GRM7: variants seen among roughly 807,000 people sequenced by gnomAD.
The protein encoded by GRM7 is metabotropic glutamate receptor 7.
In GRM7, 35 loss-of-function variants were observed where a neutral mutation model predicts 84.5. That is an observed-to-expected ratio of 0.41 (90% CI 0.32 to 0.55). GRM7 has a LOEUF of 0.55. Ranked by LOEUF, GRM7 falls within the 20% of genes least tolerant of loss-of-function variation. The pLI is 0.19. For missense variants in GRM7, 1,003 were observed against 1,194.6 expected, an observed-to-expected ratio of 0.84 and a Z score of 2.36; for synonymous variants, 487 against 455.1, an observed-to-expected ratio of 1.07 and a Z score of -0.89.
intron 1 of GRM7, among the ~76,000 whole-genome samples, chr3:7,064,963 G>C (rs565198810): frequency 2.0e-5 from 3 of 151,892 alleles, no homozygotes; most frequent in African/African-American, 7.2e-5. Flanking sequence ...TTTTTCATAT[G>C]TTCATTGGCC....
At chr3:7,546,786 T>C (rs1359447740) in intron 7 of GRM7, among the ~76,000 whole-genome samples, 1 of 152,216 alleles carries the variant, frequency 6.6e-6, no homozygotes, top group Non-Finnish European at 1.5e-5. Context: ...AGAGCATTTG[T>C]TTTGGTTCCT....
intron 4 of GRM7, among the ~76,000 whole-genome samples, chr3:7,365,694 T>C (rs891603077): frequency 6.8e-6 from 1 of 146,992 alleles, no homozygotes; most frequent in Non-Finnish European, 1.5e-5. Flanking sequence ...CACATATATA[T>C]ACACATATAT....
intron 4 of GRM7, among the ~76,000 whole-genome samples, chr3:7,334,868 CAT>C: frequency 6.6e-6 from 1 of 152,114 alleles, no homozygotes; most frequent in Middle Eastern, 3.4e-3. Flanking sequence ...GAAAATATGA[CAT>C]AAATATATAT....
At chr3:7,473,969 G>A (rs1698816316) in intron 7 of GRM7, among the ~76,000 whole-genome samples, 1 of 152,174 alleles carries the variant, frequency 6.6e-6, no homozygotes, top group Non-Finnish European at 1.5e-5. Flanking sequence ...CTGGGTGATT[G>A]CAGGGGATTT....
At chr3:7,547,287 A>C (rs1337095812) in intron 7 of GRM7, among the ~76,000 whole-genome samples, 1 of 141,724 alleles carries the variant, frequency 7.1e-6, no homozygotes, top group African/African-American at 2.7e-5. Flanking sequence ...CCTCACTGCA[A>C]GCTCCACCCC....
At chr3:7,440,592 A>T (rs1021329679) in intron 5 of GRM7, among the ~76,000 whole-genome samples, 2 of 152,114 alleles carry the variant, frequency 1.3e-5, no homozygotes, top group African/African-American at 4.8e-5. Context: ...TGTACATATT[A>T]TGTTGTCACA....
At chr3:7,060,252 A>T (rs1350387266) in intron 1 of GRM7, among the ~76,000 whole-genome samples, 1 of 151,772 alleles carries the variant, frequency 6.6e-6, no homozygotes, top group Non-Finnish European at 1.5e-5. Context: ...GATCCTACCG[A>T]TCTTTGCATT....
At chr3:7,540,836 T>C (rs1692838575) in intron 7 of GRM7, among the ~76,000 whole-genome samples, 1 of 152,202 alleles carries the variant, frequency 6.6e-6, no homozygotes, top group African/African-American at 2.4e-5. Flanking sequence ...ATTACAAATT[T>C]GCAGTATATT....
At chr3:7,686,391 G>A (rs1254224515) in intron 9 of GRM7, 11 of 1,552,410 alleles carry the variant, frequency 7.1e-6, no homozygotes, top group Non-Finnish European at 8.9e-6. Context: ...GTGTACAAAA[G>A]TCTGTTACTT....
chr3:7,340,199 G>T (rs1269583991), intron 4 of GRM7, among the ~76,000 whole-genome samples: 1 of 152,094 alleles, frequency 6.6e-6, no homozygotes, highest in Non-Finnish European at 1.5e-5. Flanking sequence ...GGTGTCCGGG[G>T]TCAGTGTGTC....
chr3:7,127,585 AT>A (rs978280043), intron 1 of GRM7, among the ~76,000 whole-genome samples: 1 of 152,092 alleles, frequency 6.6e-6, no homozygotes, highest in Non-Finnish European at 1.5e-5. Flanking sequence ...TTTTGGTTTT[AT>A]TTTTTCTCTT....
intron 2 of GRM7, among the ~76,000 whole-genome samples, chr3:7,191,269 T>C (rs1695703162): frequency 6.6e-6 from 1 of 152,100 alleles, no homozygotes; most frequent in East Asian, 1.9e-4. Flanking sequence ...CTACTTCATG[T>C]TGAAACCCAT....
At chr3:7,072,197 A>G (rs1403756273) in intron 1 of GRM7, among the ~76,000 whole-genome samples, 3 of 152,084 alleles carry the variant, frequency 2.0e-5, no homozygotes, top group Admixed American at 6.6e-5. Flanking sequence ...GTGTAGTTGT[A>G]TAATCCCTTC....
intron 4 of GRM7, among the ~76,000 whole-genome samples, chr3:7,343,345 T>C (rs1692733026): frequency 1.3e-5 from 2 of 152,084 alleles, no homozygotes; most frequent in South Asian, 4.1e-4. Context: ...GCAATCCTCC[T>C]GCCTCAGCCT....
intron 4 of GRM7, among the ~76,000 whole-genome samples, chr3:7,351,838 A>G (rs1693162126): frequency 6.6e-6 from 1 of 151,916 alleles, no homozygotes; most frequent in Non-Finnish European, 1.5e-5. Context: ...CTTCAGCCTC[A>G]GACTGAGGGC....
chr3:7,135,794 C>T (rs887103987), intron 1 of GRM7, among the ~76,000 whole-genome samples: 5 of 152,074 alleles, frequency 3.3e-5, no homozygotes, highest in African/African-American at 7.2e-5. Flanking sequence ...AATTTCAGAA[C>T]TTTCATTGTG....
At chr3:7,531,093 C>G (rs1701019901) in intron 7 of GRM7, among the ~76,000 whole-genome samples, 1 of 152,118 alleles carries the variant, frequency 6.6e-6, no homozygotes, top group Admixed American at 6.6e-5. Context: ...ATGTTTAAGT[C>G]TTTAATCAAT....
intron 1 of GRM7, among the ~76,000 whole-genome samples, chr3:7,037,855 C>T (rs1260934847): frequency 2.0e-5 from 3 of 152,112 alleles, no homozygotes; most frequent in East Asian, 1.9e-4. Flanking sequence ...GGAAATTATA[C>T]TCTGAGCAGA....
chr3:7,730,139 C>G (rs1260508070), intron 9 of GRM7, among the ~76,000 whole-genome samples: 1 of 149,328 alleles, frequency 6.7e-6, no homozygotes. Context: ...TCCCAAAGTG[C>G]TGGGATTACA....
Sources: gnomAD v4.1 joint callset for allele counts (sites outside exome capture counted in the v4.1 genomes callset) on GRCh38, gnomAD v4.1.1 for gene constraint, MANE v1.5 for transcripts, NCBI Gene and HGNC (gene_info 2026-07-23, HGNC 2026-07-21) for gene names.